Variants in FBXL17 observed in about 807,000 individuals in gnomAD.
The protein encoded by FBXL17 is F-box and leucine rich repeat protein 17.
In FBXL17, 22 loss-of-function variants were observed where a neutral mutation model predicts 66.2. That is an observed-to-expected ratio of 0.33 (90% CI 0.24 to 0.47). The LOEUF is 0.47. Among genes scored for constraint, FBXL17 ranks in the 20% least tolerant of loss-of-function variants. The pLI is 1.00. For missense variants in FBXL17, 878 were observed against 948.2 expected (o/e 0.93, Z 0.97); for synonymous variants, 474 against 400.5 (o/e 1.18, Z -2.19).
At chr5:108,125,537 G>C (rs1487809505) in intron 6 of FBXL17, among the ~76,000 whole-genome samples, 1 of 152,054 alleles carries the variant, frequency 6.6e-6, no homozygotes, top group Admixed American at 6.6e-5. Flanking sequence ...GAGATATTTA[G>C]AATTTATATT....
At chr5:108,190,501 T>A (rs766133150) in intron 5 of FBXL17, among the ~76,000 whole-genome samples, 1 of 152,190 alleles carries the variant, frequency 6.6e-6, no homozygotes, top group Non-Finnish European at 1.5e-5. Flanking sequence ...TTTATGAAAA[T>A]ACTTGCACAG....
intron 4 of FBXL17, among the ~76,000 whole-genome samples, chr5:108,283,161 TG>T (rs1757766538): frequency 6.6e-6 from 1 of 151,688 alleles, no homozygotes; most frequent in African/African-American, 2.4e-5. Context: ...TCCTAAAAAT[TG>T]TATGGAACCA....
At chr5:108,316,061 T>C (rs1484198659) in intron 4 of FBXL17, among the ~76,000 whole-genome samples, 2 of 151,466 alleles carry the variant, frequency 1.3e-5, no homozygotes, top group East Asian at 3.9e-4. Context: ...TAATAAAATC[T>C]CTTTGAATGA....
At chr5:107,985,386 A>G (rs551961500) in intron 7 of FBXL17, among the ~76,000 whole-genome samples, 2 of 152,234 alleles carry the variant, frequency 1.3e-5, no homozygotes, top group Non-Finnish European at 2.9e-5. Context: ...GTGTCTCAAG[A>G]GGAAGCTAAA....
intron 4 of FBXL17, among the ~76,000 whole-genome samples, chr5:108,326,125 A>T (rs1561530624): frequency 6.6e-6 from 1 of 152,214 alleles, no homozygotes; most frequent in Non-Finnish European, 1.5e-5. Flanking sequence ...CCTTACCATT[A>T]ATAAATTGAG....
intron 6 of FBXL17, among the ~76,000 whole-genome samples, chr5:108,095,627 G>C (rs1446339197): frequency 6.6e-6 from 1 of 151,846 alleles, no homozygotes. Context: ...AACAATATTT[G>C]GTGTATTAGG....
At chr5:107,953,809 T>A (rs1751576607) in intron 7 of FBXL17, among the ~76,000 whole-genome samples, 1 of 152,214 alleles carries the variant, frequency 6.6e-6, no homozygotes, top group Non-Finnish European at 1.5e-5. Flanking sequence ...TATATCCATC[T>A]TTCAAGAACA....
intron 6 of FBXL17, among the ~76,000 whole-genome samples, chr5:108,055,595 C>A (rs1747673047): frequency 1.8e-5 from 2 of 110,790 alleles, no homozygotes; most frequent in South Asian, 3.3e-4. Flanking sequence ...GGCGACACAG[C>A]GAGACTCTGT....
At chr5:108,143,347 T>TCTCACACA (rs111363573) in intron 6 of FBXL17, among the ~76,000 whole-genome samples, 1 of 147,688 alleles carries the variant, frequency 6.8e-6, no homozygotes, top group South Asian at 2.2e-4. Flanking sequence ...AACAGCATTC[T>TCTCACACA]CACACACACA....
intron 5 of FBXL17, among the ~76,000 whole-genome samples, chr5:108,186,848 G>A (rs1181643838): frequency 6.6e-6 from 1 of 151,814 alleles, no homozygotes; most frequent in Admixed American, 6.6e-5. Context: ...TGTCTAATAG[G>A]TAGGCAAGGT....
intron 3 of FBXL17, among the ~76,000 whole-genome samples, chr5:108,364,468 T>C (rs1466801270): frequency 6.6e-6 from 1 of 151,960 alleles, no homozygotes; most frequent in Non-Finnish European, 1.5e-5. Flanking sequence ...AAGCAAAATG[T>C]GGTAAAAAAT....
At chr5:108,293,658 A>T (rs77390365) in intron 4 of FBXL17, among the ~76,000 whole-genome samples, 18,477 of 152,228 alleles carry the variant, frequency 0.12, 1,366 homozygotes, top group Admixed American at 0.16. Context: ...CACCATAAAA[A>T]GCAAACAGGT....
rs191941445 is a variant in FBXL17 at position 107,955,864 on chromosome 5, G to C, written c.1822+65061C>G. The stretch of plus-strand genomic sequence containing the variant: ...TATGGCTAAAAGTGTCAAGAGAAAG[G>C]TTCCTCAAAATACTAATAGATATCA... On this transcript the variant is annotated intron_variant, in intron 7 of 8. Coordinates refer to ENST00000542267, the MANE Select transcript of FBXL17 (RefSeq NM_001163315.3). Among the ~76,000 whole-genome samples the C allele has an allele frequency of 3.9e-4, 60 of 152,184 alleles. 2 individuals carry two copies. In the East Asian group the frequency reaches 7.5e-3, roughly 19 times the overall value.
At chr5:108,212,355 A>G (rs1209050244) in intron 5 of FBXL17, among the ~76,000 whole-genome samples, 1 of 152,116 alleles carries the variant, frequency 6.6e-6, no homozygotes, top group Admixed American at 6.5e-5. Flanking sequence ...CTCATTCTCC[A>G]TCCAGTTTTG....
intron 7 of FBXL17, among the ~76,000 whole-genome samples, chr5:107,961,067 G>A (rs891493409): frequency 3.3e-5 from 5 of 152,162 alleles, no homozygotes; most frequent in African/African-American, 1.2e-4. Flanking sequence ...GAAGCAGGCT[G>A]GCTGGAAAGA....
intron 6 of FBXL17, among the ~76,000 whole-genome samples, chr5:108,145,064 T>C (rs1373542512): frequency 6.6e-6 from 1 of 152,150 alleles, no homozygotes; most frequent in East Asian, 1.9e-4. Flanking sequence ...AAGCAGTTGC[T>C]TCACTATCAG....
intron 5 of FBXL17, among the ~76,000 whole-genome samples, chr5:108,215,163 C>T (rs546706613): frequency 3.8e-4 from 58 of 152,172 alleles, no homozygotes; most frequent in Non-Finnish European, 7.2e-4. Context: ...TATGTTGCTG[C>T]TATGGGCATT....
chr5:108,087,988 A>G (rs1359774674), intron 6 of FBXL17, among the ~76,000 whole-genome samples: 1 of 152,132 alleles, frequency 6.6e-6, no homozygotes, highest in African/African-American at 2.4e-5. Context: ...CCTTTTTCTT[A>G]TTATTGCCCG....
Position 108,334,015 on chromosome 5 carries a change from T to A in FBXL17, c.1506+14384A>T, listed in dbSNP as rs367843980. Among the ~76,000 whole-genome samples the A allele has an allele frequency of 3.2e-4, 49 of 152,210 alleles. 2 individuals are homozygous for A. In the South Asian group the frequency reaches 9.9e-3, roughly 31 times the overall value. On this transcript the variant is annotated intron_variant, in intron 4 of 8. Coordinates refer to ENST00000542267, the MANE Select transcript of FBXL17 (RefSeq NM_001163315.3). ...AATTAGAAGCTTGAGAAATGTAGAG[T>A]TTGATGACTTGTAAAGCCTGACCTA... is the stretch of plus-strand genomic sequence containing the variant.
Sources: gnomAD v4.1 joint callset for allele counts (sites outside exome capture counted in the v4.1 genomes callset) on GRCh38, gnomAD v4.1.1 for gene constraint, MANE v1.5 for transcripts, NCBI Gene and HGNC (gene_info 2026-07-23, HGNC 2026-07-21) for gene names.